The following PTPRZ1 variants were observed in gnomAD, a reference collection of about 807,000 sequenced individuals.
PTPRZ1 encodes protein tyrosine phosphatase receptor type Z1, also known as receptor-type tyrosine-protein phosphatase zeta.
In PTPRZ1, 82 loss-of-function variants were observed where a neutral mutation model predicts 214.1. The observed-to-expected ratio is 0.38, with a 90% CI of 0.32 to 0.46. PTPRZ1 has a LOEUF of 0.46. PTPRZ1 is among the 20% of genes least tolerant of loss of function. PTPRZ1 has a pLI of 1.00. For missense variants in PTPRZ1, 2,603 were observed against 2,748.7 expected (o/e 0.95, Z 1.19); for synonymous variants, 945 against 987.9 (o/e 0.96, Z 0.81).
intron 11 of PTPRZ1, among the ~76,000 whole-genome samples, chr7:122,009,551 A>G (rs886643168): frequency 1.3e-5 from 2 of 151,642 alleles, no homozygotes; most frequent in Non-Finnish European, 2.9e-5. Context: ...ATATACGTAT[A>G]TGTATATATA....
chr7:122,022,640 TA>T (rs1424780160), intron 13 of PTPRZ1, among the ~76,000 whole-genome samples: 1 of 152,208 alleles, frequency 6.6e-6, no homozygotes, highest in Admixed American at 6.6e-5. Flanking sequence ...GTATCTTTTT[TA>T]AAGTAGAAAA....
At position 122,020,546 on chromosome 7, in the gene PTPRZ1, T is replaced by G. The variant is rs186516883; in HGVS notation, c.4988+1278T>G. On this transcript the variant is annotated intron_variant, in intron 13 of 29. Coordinates refer to ENST00000393386, the MANE Select transcript of PTPRZ1 (RefSeq NM_002851.3). ...CGGGAAGTAGAAATGAGCTGTCTTT[T>G]GAGTAAAAGCTATTGGATGTTTCGG... is the stretch of plus-strand genomic sequence containing the variant. 7.5e-4 allele frequency among the ~76,000 whole-genome samples: 114 copies of G among 152,278 alleles called. 1 individual carries two copies. The highest frequency in any genetic ancestry group is 8.3e-4 in the South Asian group (4 of 4,826).
chr7:121,935,549 TTTG>T (rs1796060328), intron 2 of PTPRZ1, among the ~76,000 whole-genome samples: 2 of 40,350 alleles, frequency 5.0e-5, no homozygotes, highest in African/African-American at 6.1e-4. Flanking sequence ...GTTTTTTTTG[TTTG>T]TTTGTTTGTT....
At chr7:121,950,664 G>GA (rs1208186630) in intron 2 of PTPRZ1, among the ~76,000 whole-genome samples, 1 of 152,160 alleles carries the variant, frequency 6.6e-6, no homozygotes, top group Non-Finnish European at 1.5e-5. Context: ...AGACCCCAGG[G>GA]AAGTGATCAT....
chr7:121,996,835 A>G (rs1309168689), intron 9 of PTPRZ1, among the ~76,000 whole-genome samples: 2 of 152,186 alleles, frequency 1.3e-5, no homozygotes, highest in African/African-American at 4.8e-5. Flanking sequence ...TGAACTGGAG[A>G]TCATTTAGTG....
chr7:121,984,159 A>C (rs1563050470), intron 8 of PTPRZ1, 42 bp downstream of exon 8: 20 of 1,571,678 alleles, frequency 1.3e-5, no homozygotes, highest in Non-Finnish European at 1.7e-5. Flanking sequence ...TCATAGATGC[A>C]GTGTTATAGG....
chr7:121,963,300 C>A (rs921481658), intron 2 of PTPRZ1, among the ~76,000 whole-genome samples: 1 of 152,118 alleles, frequency 6.6e-6, no homozygotes, highest in African/African-American at 2.4e-5. Context: ...GGACAGGCTG[C>A]TTGTAAGGGT....
At position 121,928,161 on chromosome 7, in the gene PTPRZ1, G is replaced by T; in HGVS notation, c.64G>T (p.Ala22Ser). 1 of 1,610,822 alleles carries T rather than the reference G, an allele frequency of 6.2e-7. No individual in the cohort carries two copies. The highest frequency in any genetic ancestry group is 1.7e-5 in the Admixed American group (1 of 59,948). Residue 22 changes from alanine to serine, a missense_variant, in exon 2 of 30, where the codon GCT becomes TCT. Physicochemically the swap from Ala to Ser is moderately conservative, Grantham distance 99. This residue lies in a region of PTPRZ1 where 141 missense variants were observed against 143.7 expected (regional missense o/e 0.98). Coordinates refer to ENST00000393386, the MANE Select transcript of PTPRZ1 (RefSeq NM_002851.3). ...QLLCVCRLDW[A>S]NGYYRQQRKL... The stretch of plus-strand genomic sequence containing the variant: ...TTGGTTTTTCTTTTTTATAGATTGG[G>T]CTAATGGATACTACAGACAACAGAG...
intron 8 of PTPRZ1, among the ~76,000 whole-genome samples, chr7:121,986,919 C>CAACT (rs1797777471): frequency 1.3e-5 from 2 of 152,088 alleles, no homozygotes; most frequent in South Asian, 4.1e-4. Flanking sequence ...CCAGTCACAC[C>CAACT]AACTACTTTG....
intron 9 of PTPRZ1, among the ~76,000 whole-genome samples, chr7:121,997,078 C>G (rs951538040): frequency 1.3e-5 from 2 of 152,170 alleles, no homozygotes; most frequent in Admixed American, 6.5e-5. Context: ...ACCCCTGCCT[C>G]CCTCCACCAG....
chr7:121,951,286 T>C (rs764118412), intron 2 of PTPRZ1, among the ~76,000 whole-genome samples: 11 of 152,238 alleles, frequency 7.2e-5, no homozygotes, highest in Non-Finnish European at 1.6e-4. Context: ...TACAACCTCA[T>C]TGCTACTAGC....
intron 2 of PTPRZ1, among the ~76,000 whole-genome samples, chr7:121,966,705 ATTAT>A (rs1797056233): frequency 6.6e-6 from 1 of 152,130 alleles, no homozygotes; most frequent in Non-Finnish European, 1.5e-5. Context: ...GTGACTAATT[ATTAT>A]TTATTTTCAG....
At chr7:121,918,053 A>G (rs375726000) in intron 1 of PTPRZ1, among the ~76,000 whole-genome samples, 1 of 151,924 alleles carries the variant, frequency 6.6e-6, no homozygotes, top group African/African-American at 2.4e-5. Flanking sequence ...GCTAAAAAAA[A>G]AAAAAAAAGG....
Position 122,054,004 on chromosome 7 carries a change from A to C in PTPRZ1, c.6347A>C (p.Gln2116Pro). ...FWRMIWDHNA[Q>P]LVVMIPDGQN... ...AGGATGATATGGGACCATAATGCCC[A>C]ACTGGTGGTTATGATTCCTGATGGC... The change falls in exon 26 of 30, where the codon CAA (glutamine) becomes CCA (proline). Residue 2116 changes from glutamine to proline, a missense_variant. Physicochemically the swap from Gln to Pro is moderately conservative, Grantham distance 76. This residue lies in a region of PTPRZ1 where 134 missense variants were observed against 183.3 expected (regional missense o/e 0.73). Transcript: ENST00000393386. 1 of 1,613,314 alleles carries C rather than the reference A, an allele frequency of 6.2e-7. No homozygotes were observed. The highest frequency in any genetic ancestry group is 8.5e-7 in the Non-Finnish European group (1 of 1,179,386).
In PTPRZ1 at chr7:122,012,063, T is replaced by C; in HGVS notation, c.3017T>C (p.Leu1006Pro). Reference sequence around the variant, plus strand: ...GGAGCCTCTTCTGATAGTGAATTTCTTTTACCTGACACAGATGGGCTGACA... The same window carrying C: ...GGAGCCTCTTCTGATAGTGAATTTCCTTTACCTGACACAGATGGGCTGACA... ...WSGASSDSEF[L>P]LPDTDGLTAL... Residue 1006 changes from leucine to proline, a missense_variant, in exon 12 of 30, where the codon CTT becomes CCT. Leu to Pro is a moderately conservative substitution (Grantham distance 98, BLOSUM62 -3). Around this residue, in one of 6 missense-constraint regions of PTPRZ1, gnomAD observed 1,913 missense variants for 1,914.3 expected, o/e 1.00. Transcript: ENST00000393386. 6.2e-7 allele frequency: 1 copy of C among 1,614,256 alleles called. No individual in the cohort carries two copies. The highest frequency in any genetic ancestry group is 8.5e-7 in the Non-Finnish European group (1 of 1,180,030).
chr7:122,024,313 AC>A (rs989886037), intron 13 of PTPRZ1, among the ~76,000 whole-genome samples: 17 of 152,024 alleles, frequency 1.1e-4, no homozygotes, highest in Non-Finnish European at 4.4e-5. Context: ...CCAAAGGTAT[AC>A]CCAACCAAAT....
chr7:121,921,138 A>G (rs541744000), intron 1 of PTPRZ1, among the ~76,000 whole-genome samples: 6 of 151,422 alleles, frequency 4.0e-5, no homozygotes, highest in Non-Finnish European at 7.4e-5. Context: ...AATTATTAAT[A>G]TGTTTTAACA....
At chr7:121,918,640 T>C (rs113192899) in intron 1 of PTPRZ1, among the ~76,000 whole-genome samples, 54 of 152,254 alleles carry the variant, frequency 3.5e-4, no homozygotes, top group African/African-American at 1.2e-3. Context: ...TAGAATCAGA[T>C]ACATTCTTTC....
chr7:121,926,431 G>A (rs1237969668), intron 1 of PTPRZ1, among the ~76,000 whole-genome samples: 1 of 152,118 alleles, frequency 6.6e-6, no homozygotes, highest in Non-Finnish European at 1.5e-5. Flanking sequence ...CTTTCAGGCT[G>A]TCCTGGTCAC....
Sources: allele counts gnomAD v4.1 joint callset (sites outside exome capture counted in the v4.1 genomes callset), GRCh38; gene constraint gnomAD v4.1.1; regional missense constraint gnomAD v4.1.1; transcripts MANE v1.5; gene names NCBI Gene and HGNC (gene_info 2026-07-23, HGNC 2026-07-21).